Variants in IL17RA observed in about 807,000 individuals in gnomAD.
The protein encoded by IL17RA is interleukin 17 receptor A.
A neutral mutation model predicts 50.4 loss-of-function variants in IL17RA; 34 were observed. The observed-to-expected ratio is 0.67, with a 90% CI of 0.51 to 0.90. The LOEUF is 0.90. Ranked by LOEUF, IL17RA falls within the 40% of genes least tolerant of loss-of-function variation. The pLI, the probability that IL17RA is intolerant of heterozygous loss-of-function variation, is 0.00. For missense variants in IL17RA, 1,276 were observed against 1,169.8 expected, an observed-to-expected ratio of 1.09 and a Z score of -1.32; for synonymous variants, 585 against 510.4, an observed-to-expected ratio of 1.15 and a Z score of -1.97.
At chr22:17,094,660 T>A (rs1456066352) in intron 1 of IL17RA, among the ~76,000 whole-genome samples, 2 of 31,782 alleles carry the variant, frequency 6.3e-5, no homozygotes, top group East Asian at 1.5e-3. Flanking sequence ...ACACACACTC[T>A]CTCTCTCTCT....
intron 4 of IL17RA, 85 bp downstream of exon 4, chr22:17,098,972 G>C (rs2061379757): frequency 9.2e-7 from 1 of 1,088,804 alleles, no homozygotes; most frequent in African/African-American, 1.5e-5. Context: ...CCCTGATTTA[G>C]AGTGGGGGAG....
chr22:17,091,502 C>T (rs1404935479), intron 1 of IL17RA, among the ~76,000 whole-genome samples: 2 of 151,262 alleles, frequency 1.3e-5, no homozygotes, highest in Admixed American at 1.3e-4. Context: ...CAGTGAAACC[C>T]CGTCTCTACT....
chr22:17,102,158 C>G lies in IL17RA; in HGVS notation c.618C>G (p.Asn206Lys). ...CMSSGSLWDP[N>K]ITVETLEAHQ... ...TGGCAGGCAGCCTGTGGGACCCCAA[C>G]ATCACCGTGGAGACCCTGGAGGCCC... The change falls in exon 7 of 13, where the codon AAC becomes AAG. Residue 206 changes from asparagine to lysine, a missense_variant. Physicochemically the swap from Asn to Lys is moderately conservative, Grantham distance 94. Coordinates refer to ENST00000319363, the MANE Select transcript of IL17RA (RefSeq NM_014339.7). 1 of 1,614,168 alleles carries G rather than the reference C, an allele frequency of 6.2e-7. No individual in the cohort carries two copies. The highest frequency in any genetic ancestry group is 8.5e-7 in the Non-Finnish European group (1 of 1,180,014).
intron 10 of IL17RA, 116 bp downstream of exon 10, chr22:17,105,718 G>GC (rs998701838): frequency 1.1e-5 from 15 of 1,351,412 alleles, no homozygotes; most frequent in Admixed American, 9.5e-5. Context: ...GCCAGCCCGG[G>GC]GTGGGGGGTG....
chr22:17,097,761 A>C (rs371042324), intron 2 of IL17RA, 36 bp from the exon 3 acceptor site: 2 of 1,613,514 alleles, frequency 1.2e-6, no homozygotes, highest in South Asian at 2.2e-5. Context: ...GGTCTCGGCT[A>C]TAAGTCTCTG....
chr22:17,101,967 A>C (rs375098573), intron 5 of IL17RA, 29 bp from the exon 6 acceptor site: 69 of 1,613,888 alleles, frequency 4.3e-5, no homozygotes, highest in Non-Finnish European at 5.6e-5. Context: ...GCAGAGGCTT[A>C]ATGAGTTTCC....
chr22:17,092,554 G>A (rs1233779928), intron 1 of IL17RA, among the ~76,000 whole-genome samples: 2 of 152,036 alleles, frequency 1.3e-5, no homozygotes, highest in Non-Finnish European at 2.9e-5. Context: ...GTCTGCTGCC[G>A]AATTGATTGC....
In IL17RA at chr22:17,108,541, C is replaced by CT. The variant is rs1568923319; in HGVS notation, c.1323dup (p.Lys442Ter). On this transcript the variant is annotated frameshift_variant, in exon 13 of 13. Transcript: ENST00000319363. LOFTEE classifies it low-confidence loss of function (END_TRUNC). ...AAGCAGGAGATGGTGGAGAGCAACT[C>CT]TAAGATCATCGTCCTGTGCTCCCGC... 1 of 1,609,980 alleles carries CT rather than the reference C, an allele frequency of 6.2e-7. No individual in the cohort carries two copies. The highest frequency in any genetic ancestry group is 8.5e-7 in the Non-Finnish European group (1 of 1,179,998).
chr22:17,109,643 C>CA lies in IL17RA; in HGVS notation c.2425dup (p.Thr809AsnfsTer72). 1 of 1,608,340 alleles carries CA rather than the reference C, an allele frequency of 6.2e-7. No individual in the cohort carries two copies. Among genetic ancestry groups the CA allele is most frequent in the South Asian group, 1.1e-5 (1 of 90,214 alleles). ...GCTCCCCGCAGCCCCCCGAGGGACTCACGGAAATGGAGGAAGAGGAGGAAG... is the reference window on the plus strand; with the variant it reads ...GCTCCCCGCAGCCCCCCGAGGGACTCAACGGAAATGGAGGAAGAGGAGGAAG... On this transcript the variant is annotated frameshift_variant, in exon 13 of 13. Coordinates refer to ENST00000319363, the MANE Select transcript of IL17RA (RefSeq NM_014339.7). LOFTEE classifies it low-confidence loss of function (END_TRUNC).
In IL17RA at chr22:17,085,005, G is replaced by C. The variant is rs559764929; in HGVS notation, c.-87G>C. ...GAAGCGAGCAAAGTGGAGCCGACTCGAACTCCACCGCGGAAAAGAAAGCCT... is the reference window on the plus strand; with the variant it reads ...GAAGCGAGCAAAGTGGAGCCGACTCCAACTCCACCGCGGAAAAGAAAGCCT... On this transcript the variant is annotated 5_prime_UTR_variant, in exon 1 of 13. Coordinates refer to ENST00000319363, the MANE Select transcript of IL17RA (RefSeq NM_014339.7). 1.4e-5 allele frequency: 17 copies of C among 1,258,140 alleles called. No homozygotes were observed. The Admixed American group carries it at 5.9e-4, about 44-fold the overall frequency. 77.9% of individuals were successfully genotyped at this position (1,258,140 alleles called of 1,614,324 possible). A position where few individuals can be genotyped will look rare whatever the true frequency, so the allele number is the denominator to read the frequency against.
Position 17,085,295 on chromosome 22 carries a change from G to A in IL17RA, c.138+66G>A, listed in dbSNP as rs1272774899. Reference sequence around the variant, plus strand: ...CGGACGCGGGGCAAGGTCGCGGAGGGCCGGACGGTCGGGACTACGCGCCCG... The same window carrying A: ...CGGACGCGGGGCAAGGTCGCGGAGGACCGGACGGTCGGGACTACGCGCCCG... On this transcript the variant is annotated intron_variant, in intron 1 of 12. Coordinates refer to ENST00000319363, the MANE Select transcript of IL17RA (RefSeq NM_014339.7). 5 of 1,525,830 alleles carry A rather than the reference G, an allele frequency of 3.3e-6. No individual in the cohort carries two copies. In the South Asian group the frequency reaches 6.1e-5, roughly 19 times the overall value. 94.5% of individuals were successfully genotyped at this position (1,525,830 alleles called of 1,614,324 possible).
intron 7 of IL17RA, 104 bp from the exon 8 acceptor site, chr22:17,103,390 G>A (rs2061398529): frequency 1.1e-6 from 1 of 871,076 alleles, no homozygotes; most frequent in Non-Finnish European, 1.9e-6. Flanking sequence ...GCCTTCCTAA[G>A]GGGTGCTCTG....
intron 1 of IL17RA, among the ~76,000 whole-genome samples, chr22:17,090,040 A>G (rs527828024): frequency 3.4e-4 from 50 of 148,122 alleles, no homozygotes; most frequent in African/African-American, 1.0e-3. Flanking sequence ...TTTTTTTCTT[A>G]GAGACGGAGT....
chr22:17,104,684 T>A, intron 8 of IL17RA, 42 bp from the exon 9 acceptor site: 1 of 1,583,948 alleles, frequency 6.3e-7, no homozygotes, highest in Non-Finnish European at 8.7e-7. Context: ...GCATGGGCGC[T>A]CTACAGTTCT....
Position 17,109,674 on chromosome 22 carries a change from C to T in IL17RA, c.2455C>T (p.Gln819Ter). The change falls in exon 13 of 13, where the codon CAG (glutamine) becomes TAG (stop). Residue 819 changes from glutamine (Q) to a stop codon, truncating the protein, a stop_gained. Coordinates refer to ENST00000319363, the MANE Select transcript of IL17RA (RefSeq NM_014339.7). LOFTEE classifies it low-confidence loss of function (END_TRUNC). ...AATGGAGGAAGAGGAGGAAGAGGAG[C>T]AGGACCCAGGGAAGCCGGCCCTGCC... ...TEMEEEEEEE[Q>*]DPGKPALPLS... 1.3e-6 allele frequency: 2 copies of T among 1,599,052 alleles called. No individual in the cohort carries two copies. Among genetic ancestry groups the T allele is most frequent in the Non-Finnish European group, 1.7e-6 (2 of 1,173,930 alleles).
At position 17,109,046 on chromosome 22, in the gene IL17RA, A is replaced by G. The variant is rs756772989; in HGVS notation, c.1827A>G (p.Pro609=). ...PSLDEEVFEE[P]LLPPGTGIVK... is the part of the protein sequence containing the mutation. ...TGGACGAAGAGGTGTTTGAGGAGCCACTGCTGCCTCCGGGAACCGGCATCG... is the reference window on the plus strand; with the variant it reads ...TGGACGAAGAGGTGTTTGAGGAGCCGCTGCTGCCTCCGGGAACCGGCATCG... Residue 609 remains proline (P), a synonymous_variant, in exon 13 of 13, where the codon CCA becomes CCG. Coordinates refer to ENST00000319363, the MANE Select transcript of IL17RA (RefSeq NM_014339.7). 1.9e-6 allele frequency: 3 copies of G among 1,591,632 alleles called. No homozygotes were observed. Among genetic ancestry groups the G allele is most frequent in the Non-Finnish European group, 1.7e-6 (2 of 1,176,702 alleles).
intron 11 of IL17RA, 105 bp downstream of exon 11, chr22:17,106,059 T>C: frequency 1.2e-6 from 1 of 848,320 alleles, no homozygotes; most frequent in Admixed American, 2.0e-5. Context: ...GCTTCTTGCT[T>C]GAGAACCACG....
rs1480919333 is a variant in IL17RA at position 17,109,825 on chromosome 22, G to C, written c.*5G>C. 43 of 1,548,490 alleles carry C rather than the reference G, an allele frequency of 2.8e-5. No homozygotes were observed. In the Admixed American group the frequency reaches 2.9e-4, roughly 11 times the overall value. Reference sequence around the variant, plus strand: ...TCAGAGGGGCCCAGTGCATGAGGGCGGCTCCCCAGGGACCGCCCAGATCCC... The same window carrying C: ...TCAGAGGGGCCCAGTGCATGAGGGCCGCTCCCCAGGGACCGCCCAGATCCC... On this transcript the variant is annotated 3_prime_UTR_variant, in exon 13 of 13. Coordinates refer to ENST00000319363, the MANE Select transcript of IL17RA (RefSeq NM_014339.7).
Position 17,109,082 on chromosome 22 carries a change from G to GC in IL17RA, c.1867dup (p.Leu623ProfsTer66). On this transcript the variant is annotated frameshift_variant, in exon 13 of 13. Coordinates refer to ENST00000319363, the MANE Select transcript of IL17RA (RefSeq NM_014339.7). LOFTEE classifies it low-confidence loss of function (END_TRUNC). The stretch of plus-strand genomic sequence containing the variant: ...CGGGAACCGGCATCGTGAAGCGGGC[G>GC]CCCCTGGTGCGCGAGCCTGGCTCCC... 15 of 1,573,034 alleles carry GC rather than the reference G, an allele frequency of 9.5e-6. No individual in the cohort carries two copies. Among genetic ancestry groups the GC allele is most frequent in the Non-Finnish European group, 1.3e-5 (15 of 1,168,228 alleles).
Sources: gnomAD v4.1 joint callset for allele counts (sites outside exome capture counted in the v4.1 genomes callset) on GRCh38, gnomAD v4.1.1 for gene constraint, MANE v1.5 for transcripts, NCBI Gene and HGNC (gene_info 2026-07-23, HGNC 2026-07-21) for gene names.